The following OSBPL1A variants were observed in gnomAD, a reference collection of about 807,000 sequenced individuals.
OSBPL1A encodes the protein oxysterol-binding protein-related protein 1.
OSBPL1A carries 80 observed loss-of-function variants against 137.1 expected under a neutral mutation model. The observed-to-expected ratio is 0.58, with a 90% confidence interval of 0.49 to 0.70. The LOEUF is 0.70. Among genes scored for constraint, OSBPL1A ranks in the 30% least tolerant of loss-of-function variants. The probability of loss-of-function intolerance (pLI) is 0.00; values close to 1 mark genes in which losing one functional copy is unlikely to be tolerated. For missense variants in OSBPL1A, 970 were observed against 1,129.4 expected, an observed-to-expected ratio of 0.86 and a Z score of 2.02; for synonymous variants, 365 against 389.7, an observed-to-expected ratio of 0.94 and a Z score of 0.75.
At chr18:24,248,529 G>A (rs540888090) in intron 15 of OSBPL1A, among the ~76,000 whole-genome samples, 1 of 152,342 alleles carries the variant, frequency 6.6e-6, no homozygotes, top group African/African-American at 2.4e-5. Flanking sequence ...CTTCACTCAA[G>A]CTCCTCCATG....
chr18:24,163,106 A>G lies in OSBPL1A; in HGVS notation c.*73T>C. 8.7e-7 allele frequency: 1 copy of G among 1,144,298 alleles called. No homozygotes were observed. Among genetic ancestry groups the G allele is most frequent in the Admixed American group, 2.5e-5 (1 of 40,134 alleles). 70.9% of individuals were successfully genotyped at this position (1,144,298 alleles called of 1,614,324 possible). The stretch of plus-strand genomic sequence containing the variant: ...TTTTTTAAAAGATAAGTAGAAACCA[A>G]GGGAAAAAAATTTAAAAACATAGGT... On this transcript the variant is annotated 3_prime_UTR_variant, in exon 28 of 28. Coordinates refer to ENST00000319481, the MANE Select transcript of OSBPL1A (RefSeq NM_080597.4).
intron 14 of OSBPL1A, among the ~76,000 whole-genome samples, chr18:24,296,692 T>G (rs1168998582): frequency 6.6e-6 from 1 of 152,196 alleles, no homozygotes; most frequent in Non-Finnish European, 1.5e-5. Flanking sequence ...ATGCCTAGTT[T>G]ATTAAGAGTT....
At chr18:24,348,635 A>G (rs2091386366) in intron 4 of OSBPL1A, among the ~76,000 whole-genome samples, 1 of 152,132 alleles carries the variant, frequency 6.6e-6, no homozygotes, top group Non-Finnish European at 1.5e-5. Flanking sequence ...TTAGCTGGGC[A>G]TGGTGATGCG....
rs988499709 is a variant in OSBPL1A, at chr18:24,280,837, C to T, written c.1281+5G>A. On this transcript the variant is annotated splice_donor_5th_base_variant and intron_variant, in intron 15 of 27. Transcript: ENST00000319481. Reference sequence around the variant, plus strand: ...ATTTTACAAATTCAATTCTGAACTACCTACCCCTTCTTGTTTGGTGAAGAG... The same window carrying T: ...ATTTTACAAATTCAATTCTGAACTATCTACCCCTTCTTGTTTGGTGAAGAG... 5 of 1,568,834 alleles carry T rather than the reference C, an allele frequency of 3.2e-6. No individual in the cohort carries two copies. Among genetic ancestry groups the T allele is most frequent in the Non-Finnish European group, 2.6e-6 (3 of 1,158,436 alleles).
At chr18:24,284,921 G>A (rs1008732454) in intron 14 of OSBPL1A, among the ~76,000 whole-genome samples, 8 of 152,316 alleles carry the variant, frequency 5.3e-5, no homozygotes, top group African/African-American at 1.9e-4. Flanking sequence ...TCACTGTGGA[G>A]AATGGGTGCA....
chr18:24,162,393 CAAGGTTTGTCATTAT>C lies in OSBPL1A; in HGVS notation c.*771_*785del, dbSNP rs1429578419. ...TGCCACTGGAAGTGGAAGCATTTAA[CAAGGTTTGTCATTAT>C]GTAATGGTGATTAAAATCTATATTT... On this transcript the variant is annotated 3_prime_UTR_variant, in exon 28 of 28. Transcript: ENST00000319481. The C allele has an allele frequency of 6.6e-6, 1 of 152,190 alleles. No homozygotes were observed. Among genetic ancestry groups the C allele is most frequent in the Non-Finnish European group, 1.5e-5 (1 of 68,034 alleles). The allele number at this position is 152,190 out of a possible 1,614,324, so 9.4% of individuals were successfully genotyped here.
intron 24 of OSBPL1A, among the ~76,000 whole-genome samples, chr18:24,169,500 G>C (rs2086223633): frequency 6.6e-6 from 1 of 152,194 alleles, no homozygotes; most frequent in African/African-American, 2.4e-5. Flanking sequence ...ATACTATTCT[G>C]AGCCCATTAT....
At chr18:24,253,172 G>GGT (rs899025987) in intron 15 of OSBPL1A, among the ~76,000 whole-genome samples, 1 of 140,190 alleles carries the variant, frequency 7.1e-6, no homozygotes, top group Non-Finnish European at 1.6e-5. Context: ...CATGGCGGGG[G>GGT]GGGGCGCTGA....
intron 14 of OSBPL1A, among the ~76,000 whole-genome samples, chr18:24,293,735 G>A (rs985291297): frequency 2.0e-5 from 3 of 152,144 alleles, no homozygotes; most frequent in African/African-American, 7.2e-5. Context: ...GGGCTGAGGG[G>A]TGGAAGGGGC....
intron 15 of OSBPL1A, among the ~76,000 whole-genome samples, chr18:24,269,372 G>A (rs543907743): frequency 5.3e-5 from 8 of 152,164 alleles, no homozygotes; most frequent in South Asian, 2.1e-4. Flanking sequence ...CGGTCTTAAC[G>A]ATTTGCTAAA....
At chr18:24,301,496 A>C (rs2090398754) in intron 14 of OSBPL1A, among the ~76,000 whole-genome samples, 1 of 152,198 alleles carries the variant, frequency 6.6e-6, no homozygotes, top group African/African-American at 2.4e-5. Context: ...ATGTTTCTAC[A>C]TCTTTTAAAT....
At chr18:24,164,942 A>G in intron 27 of OSBPL1A, 123 bp downstream of exon 27, 1 of 934,914 alleles carries the variant, frequency 1.1e-6, no homozygotes, top group Admixed American at 2.3e-5. Context: ...GCCTGGGACA[A>G]CTCGGCAGGG....
At chr18:24,330,013 C>T (rs2091047758) in intron 7 of OSBPL1A, among the ~76,000 whole-genome samples, 1 of 152,182 alleles carries the variant, frequency 6.6e-6, no homozygotes, top group South Asian at 2.1e-4. Flanking sequence ...CACGACGGTA[C>T]TTAAATGTAA....
At position 24,190,038 on chromosome 18, in the gene OSBPL1A, C is replaced by T. The variant is rs79311994; in HGVS notation, c.1677+6087G>A. On this transcript the variant is annotated intron_variant, in intron 18 of 27. Transcript: ENST00000319481. ...AAGCTCTAAGGAAAATGCTAATGAA[C>T]ATAATGATATTCCTTTCCTATTCTT... Among the ~76,000 whole-genome samples the T allele has an allele frequency of 8.4e-3, 1,279 of 152,358 alleles. 9 individuals carry two copies. Among genetic ancestry groups the T allele is most frequent in the South Asian group, 0.028 (135 of 4,834 alleles).
At chr18:24,181,313 CA>C (rs1173246667) in intron 18 of OSBPL1A, 34 bp from the exon 19 acceptor site, 3 of 1,602,672 alleles carry the variant, frequency 1.9e-6, no homozygotes, top group Non-Finnish European at 2.6e-6. Flanking sequence ...TGTTATGTCC[CA>C]TATACATAAC....
intron 2 of OSBPL1A, among the ~76,000 whole-genome samples, chr18:24,368,900 C>G (rs564745791): frequency 1.4e-4 from 22 of 152,196 alleles, no homozygotes; most frequent in South Asian, 1.2e-3. Flanking sequence ...TGAATTGGAG[C>G]AGGGGCCTGG....
At chr18:24,187,188 GA>G (rs1214680729) in intron 18 of OSBPL1A, among the ~76,000 whole-genome samples, 1 of 152,150 alleles carries the variant, frequency 6.6e-6, no homozygotes, top group East Asian at 1.9e-4. Context: ...AAATAAATAA[GA>G]AAGGGCTCTG....
chr18:24,293,261 AG>A (rs2090219861), intron 14 of OSBPL1A, among the ~76,000 whole-genome samples: 2 of 152,170 alleles, frequency 1.3e-5, no homozygotes, highest in Admixed American at 6.5e-5. Flanking sequence ...AGAGGGGGAA[AG>A]GGGAGAGGAC....
chr18:24,246,307 G>A (rs528443728), intron 15 of OSBPL1A, among the ~76,000 whole-genome samples: 40 of 151,226 alleles, frequency 2.6e-4, no homozygotes, highest in East Asian at 2.1e-3. Context: ...TTTACCTGAT[G>A]GGAGGAAACT....
Sources: allele counts gnomAD v4.1 joint callset (sites outside exome capture counted in the v4.1 genomes callset), GRCh38; gene constraint gnomAD v4.1.1; transcripts MANE v1.5; gene names NCBI Gene and HGNC (gene_info 2026-07-23, HGNC 2026-07-21).